Variants in TUFT1 observed in about 807,000 individuals in gnomAD.
TUFT1 encodes tuftelin 1.
A neutral mutation model predicts 57.8 loss-of-function variants in TUFT1; 43 were observed. The observed-to-expected ratio is 0.74, with a 90% CI of 0.58 to 0.96. The LOEUF (loss-of-function observed/expected upper bound fraction) is 0.96. Ranked by LOEUF, TUFT1 falls within the 40% of genes least tolerant of loss-of-function variation. TUFT1 has a pLI of 0.00. For missense variants in TUFT1, 459 were observed against 489.0 expected, an observed-to-expected ratio of 0.94 and a Z score of 0.58; for synonymous variants, 166 against 176.7, an observed-to-expected ratio of 0.94 and a Z score of 0.48.
At chr1:151,578,543 C>T (rs1414716472) in intron 9 of TUFT1, among the ~76,000 whole-genome samples, 178 bp from the exon 10 acceptor site, 1 of 152,154 alleles carries the variant, frequency 6.6e-6, no homozygotes, top group Non-Finnish European at 1.5e-5. Flanking sequence ...CTCCTGACCT[C>T]AGTGCTTCCA....
At chr1:151,558,686 T>C (rs1180754422) in intron 1 of TUFT1, among the ~76,000 whole-genome samples, 3 of 152,108 alleles carry the variant, frequency 2.0e-5, no homozygotes, top group African/African-American at 7.2e-5. Flanking sequence ...AGACCAGACT[T>C]GACCTTCATT....
chr1:151,563,274 C>T (rs1665957781), intron 3 of TUFT1, among the ~76,000 whole-genome samples: 1 of 152,074 alleles, frequency 6.6e-6, no homozygotes, highest in South Asian at 2.1e-4. Context: ...ATATAAATCC[C>T]ATACCACATG....
chr1:151,540,542 C>A, intron 1 of TUFT1, 116 bp downstream of exon 1: 4 of 1,168,924 alleles, frequency 3.4e-6, no homozygotes, highest in South Asian at 1.3e-5. Flanking sequence ...CTCGCGCGGT[C>A]AGCCCTGCGC....
chr1:151,565,764 G>T (rs1666049696), intron 5 of TUFT1, among the ~76,000 whole-genome samples: 1 of 152,198 alleles, frequency 6.6e-6, no homozygotes, highest in Non-Finnish European at 1.5e-5. Flanking sequence ...TTTGTTTGTG[G>T]CAGGCAGCTG....
rs1489018258 is a variant in TUFT1, at chr1:151,582,891, C to T, written c.*1184C>T. 2.6e-5 allele frequency: 4 copies of T among 151,926 alleles called. No homozygotes were observed. Among genetic ancestry groups the T allele is most frequent in the Admixed American group, 2.6e-4 (4 of 15,246 alleles). The allele number at this position is 151,926 out of a possible 1,614,324, so 9.4% of individuals were successfully genotyped here. A position where few individuals can be genotyped will look rare whatever the true frequency, so the allele number is the denominator to read the frequency against. On this transcript the variant is annotated 3_prime_UTR_variant, in exon 13 of 13. Coordinates refer to ENST00000368849, the MANE Select transcript of TUFT1 (RefSeq NM_020127.3). ...CTTGCTCCATAATTGGTCTTTTATC[C>T]TGGCTCTGAATGACCCTGCAGGTCA...
chr1:151,567,699 C>G (rs1666127469), intron 6 of TUFT1, among the ~76,000 whole-genome samples: 1 of 152,162 alleles, frequency 6.6e-6, no homozygotes, highest in South Asian at 2.1e-4. Flanking sequence ...GCGTGAGCCA[C>G]CACGCCTGGC....
At chr1:151,554,470 G>A (rs1244026943) in intron 1 of TUFT1, among the ~76,000 whole-genome samples, 1 of 152,122 alleles carries the variant, frequency 6.6e-6, no homozygotes, top group Non-Finnish European at 1.5e-5. Flanking sequence ...CACGATCTTG[G>A]CTCACTGCAA....
chr1:151,576,671 C>T (rs1471593794), intron 9 of TUFT1, among the ~76,000 whole-genome samples: 8 of 152,172 alleles, frequency 5.3e-5, no homozygotes, highest in African/African-American at 1.7e-4. Flanking sequence ...CTCACTCTGT[C>T]GCCCAGGCTG....
At chr1:151,557,426 C>T (rs567023993) in intron 1 of TUFT1, 71 of 1,070,756 alleles carry the variant, frequency 6.6e-5, no homozygotes, top group African/African-American at 5.3e-4. Context: ...GCCCCAGCCC[C>T]GGCCCCTACA....
chr1:151,582,388 T>C lies in TUFT1; in HGVS notation c.*681T>C, dbSNP rs530289634. ...GGGCTACAGACAGTCATGTGTGACT[T>C]CTCTCTGCTGTGAAAACTCCCAGAG... On this transcript the variant is annotated 3_prime_UTR_variant, in exon 13 of 13. Coordinates refer to ENST00000368849, the MANE Select transcript of TUFT1 (RefSeq NM_020127.3). The C allele has an allele frequency of 5.6e-6, 2 of 359,502 alleles. No individual in the cohort carries two copies. Among genetic ancestry groups the C allele is most frequent in the Non-Finnish European group, 1.1e-5 (2 of 182,312 alleles). 22.3% of individuals were successfully genotyped at this position (359,502 alleles called of 1,614,324 possible).
intron 1 of TUFT1, among the ~76,000 whole-genome samples, chr1:151,549,695 G>A (rs144113865): frequency 5.5e-4 from 84 of 152,298 alleles, no homozygotes; most frequent in Middle Eastern, 6.8e-3. Context: ...TCATCAATCA[G>A]GACTCAGACA....
chr1:151,557,264 C>T (rs550676292), intron 1 of TUFT1, among the ~76,000 whole-genome samples: 1 of 152,166 alleles, frequency 6.6e-6, no homozygotes, highest in Non-Finnish European at 1.5e-5. Context: ...CATCCCTTTA[C>T]CTTCTCCCAT....
Position 151,582,192 on chromosome 1 carries a change from C to T in TUFT1, c.*485C>T. 1 of 456,820 alleles carries T rather than the reference C, an allele frequency of 2.2e-6. No individual in the cohort carries two copies. The highest frequency in any genetic ancestry group is 1.5e-5 in the South Asian group (1 of 64,568). The allele number at this position is 456,820 out of a possible 1,614,324, so 28.3% of individuals were successfully genotyped here. ...TAGCAACAAACTGTTTGTTTTTCTA[C>T]TTGCTCCATCTGCAGCCTACGCTGC... On this transcript the variant is annotated 3_prime_UTR_variant, in exon 13 of 13. Coordinates refer to ENST00000368849, the MANE Select transcript of TUFT1 (RefSeq NM_020127.3).
intron 5 of TUFT1, 145 bp downstream of exon 5, chr1:151,564,759 A>G: frequency 1.5e-6 from 1 of 676,876 alleles, no homozygotes; most frequent in Non-Finnish European, 2.6e-6. Flanking sequence ...GCTTCTCTGG[A>G]GCACTCACAA....
chr1:151,579,443 T>C (rs1257449222), intron 10 of TUFT1, among the ~76,000 whole-genome samples: 1 of 152,104 alleles, frequency 6.6e-6, no homozygotes, highest in Non-Finnish European at 1.5e-5. Context: ...ATTCTCAGGG[T>C]GGTATTCCCC....
chr1:151,571,752 G>T (rs1666255721), intron 7 of TUFT1, among the ~76,000 whole-genome samples: 1 of 152,176 alleles, frequency 6.6e-6, no homozygotes, highest in Non-Finnish European at 1.5e-5. Flanking sequence ...AGAAATATTT[G>T]CTGGTTTTAA....
chr1:151,553,174 CT>C (rs976724785), intron 1 of TUFT1, among the ~76,000 whole-genome samples: 2 of 152,096 alleles, frequency 1.3e-5, no homozygotes, highest in African/African-American at 4.8e-5. Context: ...TCACAGCAAC[CT>C]CCACCTCCCA....
chr1:151,549,812 T>TA (rs1665452451), intron 1 of TUFT1, among the ~76,000 whole-genome samples: 1 of 152,076 alleles, frequency 6.6e-6, no homozygotes, highest in Non-Finnish European at 1.5e-5. Flanking sequence ...GCCTTGACCT[T>TA]ATGAGCTCAA....
Position 151,566,201 on chromosome 1 carries a change from C to T in TUFT1, c.453C>T (p.Pro151=), listed in dbSNP as rs192213725. The change falls in exon 6 of 13, where the codon CCC becomes CCT. Residue 151 remains proline, a synonymous_variant. Transcript: ENST00000368849. ...AGCCAAATGGCTTTAGTCAGAGTCC[C>T]ACAGCCCTGTACAGCAGCCCACCTG... The part of the protein sequence containing the change: ...LEKPNGFSQS[P]TALYSSPPEV... The T allele has an allele frequency of 1.9e-6, 3 of 1,612,030 alleles. No homozygotes were observed. In the African/African-American group the frequency reaches 4.0e-5, roughly 21 times the overall value.
Sources: gnomAD v4.1 joint callset for allele counts (sites outside exome capture counted in the v4.1 genomes callset) on GRCh38, gnomAD v4.1.1 for gene constraint, MANE v1.5 for transcripts, NCBI Gene and HGNC (gene_info 2026-07-23, HGNC 2026-07-21) for gene names.